CDC42SE2: variants seen among roughly 807,000 people sequenced by gnomAD.
CDC42SE2 encodes the protein CDC42 small effector 2, also known as CDC42 small effector protein 2.
Under a neutral mutation model 11.5 loss-of-function variants are expected in CDC42SE2, and 3 were observed. The observed-to-expected ratio is 0.26, with a 90% CI of 0.12 to 0.67. The LOEUF is 0.67. Among genes scored for constraint, CDC42SE2 ranks in the 30% least tolerant of loss-of-function variants. The pLI is 0.80. For synonymous variants in CDC42SE2, 33 were observed against 34.8 expected, an observed-to-expected ratio of 0.95 and a Z score of 0.18; for missense variants, 82 against 106.8, an observed-to-expected ratio of 0.77 and a Z score of 1.02.
chr5:131,387,223 A>C (rs1750513014), intron 4 of CDC42SE2, among the ~76,000 whole-genome samples: 2 of 152,116 alleles, frequency 1.3e-5, no homozygotes, highest in African/African-American at 4.8e-5. Context: ...TCATCAACAG[A>C]TGTTGTCTCT....
In CDC42SE2 at chr5:131,318,846, G is replaced by A. The variant is rs1580751257; in HGVS notation, c.-286+2702G>A. The stretch of plus-strand genomic sequence containing the variant: ...GGACTTAATAAAACTTGAATTGTGA[G>A]TTAGGTAAGGATGCCTCTGACACAG... On this transcript the variant is annotated intron_variant, in intron 2 of 4. Coordinates refer to ENST00000505065, the MANE Select transcript of CDC42SE2 (RefSeq NM_001375635.1). Among the ~76,000 whole-genome samples the A allele has an allele frequency of 2.0e-5, 3 of 152,206 alleles. No individual in the cohort carries two copies. In the East Asian group the frequency reaches 5.8e-4, roughly 29 times the overall value.
chr5:131,240,135 A>G, the CDC42SE2 span, among the ~76,000 whole-genome samples: 1 of 152,334 alleles, frequency 6.6e-6, no homozygotes, highest in Admixed American at 6.5e-5. Flanking sequence ...TGTCTTTCTT[A>G]TAGGCTCAGT....
At chr5:131,301,168 C>T (rs1325808346) in intron 1 of CDC42SE2, among the ~76,000 whole-genome samples, 1 of 151,950 alleles carries the variant, frequency 6.6e-6, no homozygotes, top group Non-Finnish European at 1.5e-5. Context: ...TTTAAAATGT[C>T]CTCTGAGACT....
chr5:131,220,330 C>T, the CDC42SE2 span, among the ~76,000 whole-genome samples: 2 of 152,000 alleles, frequency 1.3e-5, no homozygotes, highest in African/African-American at 4.8e-5. Flanking sequence ...CTCAGCCTCC[C>T]GAGTAGCTGG....
chr5:131,249,014 C>CTTTTTTTTTTTTTTTTTTTTTTTTTTT (rs35929101), intron 1 of CDC42SE2, among the ~76,000 whole-genome samples: 1 of 116,092 alleles, frequency 8.6e-6, no homozygotes, highest in Non-Finnish European at 1.7e-5. Flanking sequence ...CAGGTTACAT[C>CTTTTTTTTTTTTTTTTTTTTTTTTTTT]TTTTTTTTTT....
intron 1 of CDC42SE2, among the ~76,000 whole-genome samples, chr5:131,279,545 C>T (rs1757192014): frequency 6.9e-6 from 1 of 144,680 alleles, no homozygotes; most frequent in Non-Finnish European, 1.5e-5. Context: ...CCTTTAAGTG[C>T]TTGCTTACTT....
intron 4 of CDC42SE2, among the ~76,000 whole-genome samples, chr5:131,390,775 G>A (rs1314806879): frequency 1.3e-5 from 2 of 152,176 alleles, no homozygotes; most frequent in Non-Finnish European, 2.9e-5. Context: ...TTTGGAAATA[G>A]AGAAAATAGG....
intron 1 of CDC42SE2, among the ~76,000 whole-genome samples, chr5:131,254,925 T>C (rs914362904): frequency 3.3e-5 from 5 of 152,210 alleles, no homozygotes; most frequent in African/African-American, 1.2e-4. Flanking sequence ...GAAATCTGTG[T>C]ACCACTTACA....
intron 2 of CDC42SE2, among the ~76,000 whole-genome samples, chr5:131,353,188 G>T (rs1051145376): frequency 1.3e-5 from 2 of 151,912 alleles, no homozygotes; most frequent in African/African-American, 4.8e-5. Context: ...GGTTGGTCTC[G>T]AACTCCTGGT....
intron 3 of CDC42SE2, among the ~76,000 whole-genome samples, chr5:131,380,792 A>G (rs1333109468): frequency 6.6e-6 from 1 of 152,112 alleles, no homozygotes; most frequent in Non-Finnish European, 1.5e-5. Context: ...TTCTCCTTTC[A>G]GCCACTGACC....
intron 1 of CDC42SE2, among the ~76,000 whole-genome samples, chr5:131,273,158 AT>A (rs565779371): frequency 0.13 from 18,619 of 138,810 alleles, 2,749 homozygotes; most frequent in African/African-American, 0.38. Context: ...TTTTTTTATA[AT>A]TTTTTTTTTT....
Position 131,266,545 on chromosome 5 carries a change from C to G in CDC42SE2, c.-455+2379C>G, listed in dbSNP as rs889740586. On this transcript the variant is annotated intron_variant, in intron 1 of 4. Coordinates refer to ENST00000505065, the MANE Select transcript of CDC42SE2 (RefSeq NM_001375635.1). Reference sequence around the variant, plus strand: ...TGTGATCTCGGCTTACTGCAACCTCCGCCTTTGGGGCTCGAGCTATTCTCA... The same window carrying G: ...TGTGATCTCGGCTTACTGCAACCTCGGCCTTTGGGGCTCGAGCTATTCTCA... 4.7e-5 allele frequency among the ~76,000 whole-genome samples: 7 copies of G among 150,394 alleles called. 1 individual carries two copies. The highest frequency in any genetic ancestry group is 2.1e-4 in the South Asian group (1 of 4,758).
chr5:131,362,751 A>G (rs1749744517), intron 3 of CDC42SE2, among the ~76,000 whole-genome samples: 1 of 152,200 alleles, frequency 6.6e-6, no homozygotes, highest in Non-Finnish European at 1.5e-5. Context: ...TGGTATTCCA[A>G]AACTTAGTAA....
intron 3 of CDC42SE2, among the ~76,000 whole-genome samples, chr5:131,362,663 AATC>A (rs1162503316): frequency 2.0e-5 from 3 of 152,164 alleles, no homozygotes; most frequent in Non-Finnish European, 4.4e-5. Context: ...ATAGTAGAAT[AATC>A]ATTTTTCTCC....
intron 4 of CDC42SE2, among the ~76,000 whole-genome samples, chr5:131,388,095 T>G (rs1215451583): frequency 6.6e-6 from 1 of 152,060 alleles, no homozygotes; most frequent in Non-Finnish European, 1.5e-5. Flanking sequence ...CCTCCTAGGT[T>G]CAAGCAATCC....
chr5:131,338,647 C>T (rs1256647261), intron 2 of CDC42SE2, among the ~76,000 whole-genome samples: 1 of 152,166 alleles, frequency 6.6e-6, no homozygotes, highest in Non-Finnish European at 1.5e-5. Context: ...ACCATAAGCT[C>T]CATTTTGTAG....
At chr5:131,305,431 G>C (rs1422847651) in intron 1 of CDC42SE2, among the ~76,000 whole-genome samples, 1 of 152,176 alleles carries the variant, frequency 6.6e-6, no homozygotes, top group Non-Finnish European at 1.5e-5. Flanking sequence ...AAGCAAGTAC[G>C]TATATAGATT....
intron 3 of CDC42SE2, among the ~76,000 whole-genome samples, chr5:131,374,197 A>G (rs952932552): frequency 2.0e-5 from 3 of 152,174 alleles, no homozygotes; most frequent in African/African-American, 7.2e-5. Context: ...ATTTCAGACT[A>G]TCTGGACAAG....
intron 2 of CDC42SE2, among the ~76,000 whole-genome samples, chr5:131,321,640 A>G (rs914218332): frequency 2.6e-5 from 4 of 152,224 alleles, no homozygotes; most frequent in Non-Finnish European, 5.9e-5. Context: ...AGGCTACACA[A>G]GAAGCTAATA....
Sources: allele counts gnomAD v4.1 joint callset (sites outside exome capture counted in the v4.1 genomes callset), GRCh38; gene constraint gnomAD v4.1.1; transcripts MANE v1.5; gene names NCBI Gene and HGNC (gene_info 2026-07-23, HGNC 2026-07-21).